Variants in NRXN3 observed in about 807,000 individuals in gnomAD.
NRXN3 encodes the protein neurexin III.
In NRXN3, 32 loss-of-function variants were observed where a neutral mutation model predicts 137.6. The ratio of observed to expected loss-of-function variants is 0.23; its 90% CI spans 0.18 to 0.31. The LOEUF is 0.31. Among genes scored for constraint, NRXN3 ranks in the 10% least tolerant of loss-of-function variants. The probability of loss-of-function intolerance (pLI) is 1.00; values close to 1 mark genes in which losing one functional copy is unlikely to be tolerated. For synonymous variants in NRXN3, 798 were observed against 784.5 expected (o/e 1.02, Z -0.29); for missense variants, 1,574 against 2,062.5 (o/e 0.76, Z 4.59).
chr14:78,979,240 C>T (rs758623573), intron 14 of NRXN3, among the ~76,000 whole-genome samples: 2 of 152,076 alleles, frequency 1.3e-5, no homozygotes, highest in Admixed American at 6.6e-5. Flanking sequence ...CTGGGCATCC[C>T]TTACCTCAGT....
chr14:79,395,684 C>CTGTA (rs2094998606), intron 15 of NRXN3, among the ~76,000 whole-genome samples: 1 of 151,958 alleles, frequency 6.6e-6, no homozygotes, highest in Non-Finnish European at 1.5e-5. Flanking sequence ...TGGTGGGCGC[C>CTGTA]TGTAGTCCCA....
At chr14:79,759,141 A>T (rs1397524746) in intron 19 of NRXN3, among the ~76,000 whole-genome samples, 1 of 152,270 alleles carries the variant, frequency 6.6e-6, no homozygotes, top group African/African-American at 2.4e-5. Context: ...ACCATCTAGT[A>T]GTTTCAGTTC....
intron 15 of NRXN3, among the ~76,000 whole-genome samples, chr14:79,063,272 A>G (rs2099676478): frequency 6.6e-6 from 1 of 151,940 alleles, no homozygotes; most frequent in Admixed American, 6.6e-5. Flanking sequence ...CAGTTATTTT[A>G]TGTTTTTTTG....
At chr14:78,795,401 G>T (rs1300803113) in intron 8 of NRXN3, among the ~76,000 whole-genome samples, 1 of 152,194 alleles carries the variant, frequency 6.6e-6, no homozygotes, top group Non-Finnish European at 1.5e-5. Flanking sequence ...TTATTTGGAG[G>T]AGCCTCTGAA....
chr14:79,423,737 T>G (rs991453024), intron 15 of NRXN3, among the ~76,000 whole-genome samples: 1 of 152,176 alleles, frequency 6.6e-6, no homozygotes, highest in Admixed American at 6.5e-5. Flanking sequence ...CATAATAAAT[T>G]GCATTCATGG....
chr14:79,748,609 A>T (rs2098986997), intron 19 of NRXN3, among the ~76,000 whole-genome samples: 1 of 152,090 alleles, frequency 6.6e-6, no homozygotes, highest in African/African-American at 2.4e-5. Flanking sequence ...GAAGCCATAT[A>T]TTCACTCTGT....
At chr14:79,623,992 A>G (rs1450217538) in intron 16 of NRXN3, among the ~76,000 whole-genome samples, 5 of 151,810 alleles carry the variant, frequency 3.3e-5, no homozygotes, top group Admixed American at 6.6e-5. Flanking sequence ...AGAAGACTCT[A>G]TATCTCACCT....
intron 15 of NRXN3, among the ~76,000 whole-genome samples, chr14:79,366,645 C>T (rs2093904578): frequency 6.6e-6 from 1 of 152,164 alleles, no homozygotes; most frequent in Non-Finnish European, 1.5e-5. Context: ...CATCTCTTCT[C>T]ATTTACAGTA....
chr14:79,426,653 G>A lies in NRXN3; in HGVS notation c.3263-40568G>A, dbSNP rs77749893. On this transcript the variant is annotated intron_variant, in intron 15 of 20. Coordinates refer to ENST00000335750, the MANE Select transcript of NRXN3 (RefSeq NM_001330195.2). ...TATTTAATTGAATGGAAATGGCCTT[G>A]TGTTTTCCAAATGTCATTGTTAATA... Among the ~76,000 whole-genome samples the A allele has an allele frequency of 7.8e-3, 1,190 of 152,292 alleles. 9 individuals are homozygous for A. Among genetic ancestry groups the A allele is most frequent in the African/African-American group, 0.027 (1,122 of 41,554 alleles).
chr14:79,724,126 A>G (rs1279391782), intron 19 of NRXN3, among the ~76,000 whole-genome samples: 1 of 152,168 alleles, frequency 6.6e-6, no homozygotes, highest in African/African-American at 2.4e-5. Flanking sequence ...GATACTTCAC[A>G]TGTACTCTTT....
chr14:79,056,093 A>T (rs8011782), intron 15 of NRXN3, among the ~76,000 whole-genome samples: 136,868 of 152,194 alleles, frequency 0.9, 62,832 homozygotes, highest in Non-Finnish European at 0.99. Flanking sequence ...ACAGGTGGCA[A>T]ATGATGGTAG....
Position 78,529,760 on chromosome 14 carries a change from C to A in NRXN3, c.758-115360C>A, listed in dbSNP as rs539856874. 3.3e-5 allele frequency among the ~76,000 whole-genome samples: 5 copies of A among 152,272 alleles called. No homozygotes were observed. In the South Asian group the frequency reaches 8.3e-4, roughly 25 times the overall value. On this transcript the variant is annotated intron_variant, in intron 4 of 20. Coordinates refer to ENST00000335750, the MANE Select transcript of NRXN3 (RefSeq NM_001330195.2). The stretch of plus-strand genomic sequence containing the variant: ...CTTTCACAGTTACTGTACAGTATCC[C>A]CACTGTGGCATTTTCTGACTCCCAT...
rs1269955730 is a variant in NRXN3, at chr14:79,012,746, GT to G, written c.3262+24606del. On this transcript the variant is annotated intron_variant, in intron 15 of 20. Transcript: ENST00000335750. ...TGGTCTTTCCTTGTGGGAATTTTAAGTCTTGACTTTCCTTCTGGAGCTTTCC... is the reference window on the plus strand; with the variant it reads ...TGGTCTTTCCTTGTGGGAATTTTAAGCTTGACTTTCCTTCTGGAGCTTTCC... Among the ~76,000 whole-genome samples, 7 of 152,252 alleles carry G rather than the reference GT, an allele frequency of 4.6e-5. No individual in the cohort carries two copies. The East Asian group carries it at 9.7e-4, about 21-fold the overall frequency.
intron 16 of NRXN3, among the ~76,000 whole-genome samples, chr14:79,493,871 G>A (rs993922387): frequency 6.6e-6 from 1 of 152,112 alleles, no homozygotes; most frequent in Non-Finnish European, 1.5e-5. Flanking sequence ...ACTTTACAAA[G>A]GTTCTGCTGT....
chr14:79,764,703 C>A (rs1402435810), intron 19 of NRXN3, among the ~76,000 whole-genome samples: 1 of 151,984 alleles, frequency 6.6e-6, no homozygotes, highest in Non-Finnish European at 1.5e-5. Context: ...TACTGTTATG[C>A]AGAGAAATCT....
At chr14:79,494,031 G>A (rs1289203166) in intron 16 of NRXN3, among the ~76,000 whole-genome samples, 1 of 152,118 alleles carries the variant, frequency 6.6e-6, no homozygotes, top group African/African-American at 2.4e-5. Flanking sequence ...TTCCATCAAT[G>A]TTTCTTGAAT....
chr14:78,621,251 C>G (rs892734487), intron 4 of NRXN3, among the ~76,000 whole-genome samples: 1 of 152,076 alleles, frequency 6.6e-6, no homozygotes, highest in Admixed American at 6.5e-5. Flanking sequence ...AATAAGACAG[C>G]ATTTTTCTTT....
chr14:79,335,379 CTATTT>C (rs2092165804), intron 15 of NRXN3, among the ~76,000 whole-genome samples: 1 of 151,928 alleles, frequency 6.6e-6, no homozygotes, highest in Non-Finnish European at 1.5e-5. Context: ...AGTCCTGATA[CTATTT>C]TATTTATTTT....
chr14:79,101,341 G>T (rs1025745333), intron 15 of NRXN3, among the ~76,000 whole-genome samples: 5 of 152,172 alleles, frequency 3.3e-5, no homozygotes, highest in African/African-American at 1.2e-4. Context: ...TCAAGCTTAA[G>T]TTTTCCTGAA....
Sources: allele counts gnomAD v4.1 joint callset (sites outside exome capture counted in the v4.1 genomes callset), GRCh38; gene constraint gnomAD v4.1.1; transcripts MANE v1.5; gene names NCBI Gene and HGNC (gene_info 2026-07-23, HGNC 2026-07-21).